ADAMTS12: variants seen among roughly 807,000 people sequenced by gnomAD.
The protein encoded by ADAMTS12 is ADAM metallopeptidase with thrombospondin type 1 motif 12.
ADAMTS12 carries 118 observed loss-of-function variants against 167.8 expected under a neutral mutation model. The ratio of observed to expected loss-of-function variants is 0.70; its 90% CI spans 0.61 to 0.82. ADAMTS12 has a LOEUF of 0.82. ADAMTS12 is among the 40% of genes least tolerant of loss of function. The pLI is 0.00. For missense variants in ADAMTS12, 1,916 were observed against 1,998.8 expected (o/e 0.96, Z 0.79); for synonymous variants, 704 against 716.9 (o/e 0.98, Z 0.29).
chr5:33,767,281 G>A (rs553285220), intron 2 of ADAMTS12, among the ~76,000 whole-genome samples: 70 of 152,134 alleles, frequency 4.6e-4, no homozygotes, highest in African/African-American at 1.7e-3. Flanking sequence ...GTTGGATAAC[G>A]GTCCTTCTCT....
chr5:33,872,271 C>T (rs369023514), intron 2 of ADAMTS12, among the ~76,000 whole-genome samples: 3 of 152,108 alleles, frequency 2.0e-5, no homozygotes, highest in Non-Finnish European at 1.5e-5. Context: ...ACTAGCTGGG[C>T]GTGGTGGCTC....
chr5:33,611,187 A>T (rs1312669107), intron 16 of ADAMTS12, among the ~76,000 whole-genome samples: 8 of 152,228 alleles, frequency 5.3e-5, no homozygotes, highest in African/African-American at 1.9e-4. Flanking sequence ...AAACAATCCT[A>T]TATAATGTGT....
intron 22 of ADAMTS12, among the ~76,000 whole-genome samples, chr5:33,537,482 C>T (rs1744473834): frequency 6.6e-6 from 1 of 152,194 alleles, no homozygotes; most frequent in Admixed American, 6.5e-5. Flanking sequence ...GAAACTGAGG[C>T]TGAGGCTTGT....
intron 2 of ADAMTS12, among the ~76,000 whole-genome samples, chr5:33,798,376 C>T (rs1280657592): frequency 6.6e-6 from 1 of 151,284 alleles, no homozygotes; most frequent in Non-Finnish European, 1.5e-5. Context: ...GCAGACAAGC[C>T]TTGTCTCTGT....
At chr5:33,859,776 G>A (rs748327748) in intron 2 of ADAMTS12, among the ~76,000 whole-genome samples, 5 of 152,176 alleles carry the variant, frequency 3.3e-5, no homozygotes, top group Non-Finnish European at 5.9e-5. Flanking sequence ...GTGGCATCTC[G>A]TGGGTGCCCC....
intron 20 of ADAMTS12, among the ~76,000 whole-genome samples, chr5:33,560,332 A>C (rs906193699): frequency 6.6e-6 from 1 of 152,218 alleles, no homozygotes; most frequent in African/African-American, 2.4e-5. Context: ...TGGGACTGCA[A>C]ACTAGTTCAG....
At chr5:33,598,113 T>C (rs1412698300) in intron 16 of ADAMTS12, among the ~76,000 whole-genome samples, 1 of 152,186 alleles carries the variant, frequency 6.6e-6, no homozygotes, top group African/African-American at 2.4e-5. Flanking sequence ...GCAGATGTCA[T>C]CAAGGGCAAA....
At chr5:33,561,229 C>T (rs1229456420) in intron 19 of ADAMTS12, 50 bp from the exon 20 acceptor site, 1 of 1,591,638 alleles carries the variant, frequency 6.3e-7, no homozygotes, top group Non-Finnish European at 8.6e-7. Flanking sequence ...CACCTTCTCA[C>T]ACATGCCCCA....
At chr5:33,751,284 T>A (rs1240449935) in intron 3 of ADAMTS12, 120 bp downstream of exon 3, 6 of 968,284 alleles carry the variant, frequency 6.2e-6, no homozygotes, top group Middle Eastern at 2.3e-4. Flanking sequence ...ATGAAGATAT[T>A]AAAAAAAAAA....
intron 11 of ADAMTS12, 76 bp from the exon 12 acceptor site, chr5:33,637,822 C>T: frequency 6.8e-7 from 1 of 1,477,256 alleles, no homozygotes; most frequent in Non-Finnish European, 9.2e-7. Flanking sequence ...CCTCTGGTAT[C>T]TGGCCTTGAC....
At chr5:33,591,622 T>C (rs534158630) in intron 17 of ADAMTS12, among the ~76,000 whole-genome samples, 1 of 152,276 alleles carries the variant, frequency 6.6e-6, no homozygotes, top group South Asian at 2.1e-4. Flanking sequence ...TCCAGCCTCA[T>C]TTTCCCTAGC....
intron 2 of ADAMTS12, among the ~76,000 whole-genome samples, chr5:33,870,304 T>C (rs1234677335): frequency 6.6e-6 from 1 of 152,246 alleles, no homozygotes; most frequent in Admixed American, 6.5e-5. Context: ...TAGGAAATTA[T>C]AAGACTATTG....
intron 15 of ADAMTS12, 79 bp from the exon 16 acceptor site, chr5:33,614,455 G>T: frequency 6.5e-7 from 1 of 1,547,018 alleles, no homozygotes; most frequent in Non-Finnish European, 8.8e-7. Flanking sequence ...ACCACAAAAT[G>T]TCAGTCATCT....
chr5:33,583,583 T>C (rs1374097236), intron 18 of ADAMTS12, among the ~76,000 whole-genome samples: 2 of 152,242 alleles, frequency 1.3e-5, no homozygotes, highest in East Asian at 1.9e-4. Context: ...CTCTCCACAG[T>C]GGTTAAACTA....
At chr5:33,759,918 A>G in intron 2 of ADAMTS12, among the ~76,000 whole-genome samples, 1 of 152,216 alleles carries the variant, frequency 6.6e-6, no homozygotes, top group East Asian at 1.9e-4. Context: ...CAACCACCAA[A>G]GAGAATAAGG....
Position 33,881,448 on chromosome 5 carries a change from C to G in ADAMTS12, c.160G>C (p.Val54Leu). The G allele has an allele frequency of 6.2e-7, 1 of 1,613,536 alleles. No individual in the cohort carries two copies. The highest frequency in any genetic ancestry group is 8.5e-7 in the Non-Finnish European group (1 of 1,179,916). Residue 54 changes from valine to leucine, a missense_variant, in exon 2 of 24, where the codon GTG (valine) becomes CTG (leucine). Physicochemically the swap from Val to Leu is conservative, Grantham distance 32. Coordinates refer to ENST00000504830, the MANE Select transcript of ADAMTS12 (RefSeq NM_030955.4). ...GCATCTACTCGGACTGGACCCACCACGTGGTATTCTGGCAGGCCCTTGATA... is the reference window on the plus strand; with the variant it reads ...GCATCTACTCGGACTGGACCCACCAGGTGGTATTCTGGCAGGCCCTTGATA... ...HFIKGLPEYH[V>L]VGPVRVDASG...
chr5:33,546,186 C>G lies in ADAMTS12; in HGVS notation c.4319G>C (p.Gly1440Ala). Reference sequence around the variant, plus strand: ...CACTCCTCTCTCCTGAACTCCACCTCCACAGGACCTGGAGCACTGATACAC... The same window carrying G: ...CACTCCTCTCTCCTGAACTCCACCTGCACAGGACCTGGAGCACTGATACAC... ...EPWSQCSRSCGGGVQERGVFC... is the reference protein window; with the variant it reads ...EPWSQCSRSCAGGVQERGVFC... Residue 1440 changes from glycine (G) to alanine (A), a missense_variant, in exon 22 of 24, where the codon GGA becomes GCA. Coordinates refer to ENST00000504830, the MANE Select transcript of ADAMTS12 (RefSeq NM_030955.4). The G allele has an allele frequency of 3.1e-6, 5 of 1,613,118 alleles. No homozygotes were observed. The highest frequency in any genetic ancestry group is 3.4e-6 in the Non-Finnish European group (4 of 1,179,690).
chr5:33,524,773 T>C lies in ADAMTS12; in HGVS notation c.*2415A>G, dbSNP rs1743735679. On this transcript the variant is annotated 3_prime_UTR_variant, in exon 24 of 24. Transcript: ENST00000504830. ...AATGATGGACATCACACAGCTGTCT[T>C]ACAACATAGCTCCAGAACAGGAAGC... 6.6e-6 allele frequency: 1 copy of C among 152,188 alleles called. No homozygotes were observed. The highest frequency in any genetic ancestry group is 1.5e-5 in the Non-Finnish European group (1 of 68,034). 9.4% of individuals were successfully genotyped at this position (152,188 alleles called of 1,614,324 possible).
chr5:33,821,020 G>A (rs745389980), intron 2 of ADAMTS12, among the ~76,000 whole-genome samples: 4 of 152,038 alleles, frequency 2.6e-5, no homozygotes, highest in Admixed American at 6.6e-5. Context: ...TAACTAATGG[G>A]TACTACCCTT....
Sources: gnomAD v4.1 joint callset for allele counts (sites outside exome capture counted in the v4.1 genomes callset) on GRCh38, gnomAD v4.1.1 for gene constraint, MANE v1.5 for transcripts, NCBI Gene and HGNC (gene_info 2026-07-23, HGNC 2026-07-21) for gene names.